Variants in ADAMTS5 observed in about 807,000 individuals in gnomAD.
ADAMTS5 encodes the protein ADAM metallopeptidase with thrombospondin type 1 motif 5.
In ADAMTS5, 54 loss-of-function variants were observed where a neutral mutation model predicts 81.4. That is an observed-to-expected ratio of 0.66 (90% CI 0.53 to 0.83). ADAMTS5 has a LOEUF of 0.83. Among genes scored for constraint, ADAMTS5 ranks in the 40% least tolerant of loss-of-function variants. ADAMTS5 has a pLI of 0.00. For missense variants in ADAMTS5, 1,194 were observed against 1,229.9 expected (o/e 0.97, Z 0.44); for synonymous variants, 532 against 508.8 (o/e 1.05, Z -0.61).
At chr21:26,949,317 G>T (rs1326404663) in intron 2 of ADAMTS5, among the ~76,000 whole-genome samples, 1 of 151,716 alleles carries the variant, frequency 6.6e-6, no homozygotes, top group African/African-American at 2.4e-5. Context: ...CATACCTTCT[G>T]ACTAGCTGGG....
At position 26,952,907 on chromosome 21, in the gene ADAMTS5, AG is replaced by A. The variant is rs1174888265; in HGVS notation, c.1237+1831del. 2.0e-5 allele frequency among the ~76,000 whole-genome samples: 3 copies of A among 152,328 alleles called. No homozygotes were observed. The South Asian group carries it at 6.2e-4, about 32-fold the overall frequency. On this transcript the variant is annotated intron_variant, in intron 2 of 7. Coordinates refer to ENST00000284987, the MANE Select transcript of ADAMTS5 (RefSeq NM_007038.5). ...CTGAGTATTTGGACTAATTCCTCTT[AG>A]TTTCCGGTGCAGATCGGAATGTTGC...
intron 1 of ADAMTS5, among the ~76,000 whole-genome samples, chr21:26,955,216 A>G (rs1987401645): frequency 6.6e-6 from 1 of 152,230 alleles, no homozygotes; most frequent in African/African-American, 2.4e-5. Flanking sequence ...TAAAATTCTG[A>G]TGGAAATTCA....
intron 3 of ADAMTS5, among the ~76,000 whole-genome samples, chr21:26,937,271 G>T (rs1303360218): frequency 6.6e-6 from 1 of 152,148 alleles, no homozygotes; most frequent in Non-Finnish European, 1.5e-5. Context: ...GCTTAACTTA[G>T]AACTGTAAGT....
chr21:26,934,695 G>C lies in ADAMTS5; in HGVS notation c.1460C>G (p.Pro487Arg). Reference protein sequence around the residue: ...RKQILGPEELPGQTYDATQQC... With the variant: ...RKQILGPEELRGQTYDATQQC... Reference sequence around the variant, plus strand: ...CTGGGTGGCATCGTAGGTCTGTCCTGGGAGTTCTTCGGGGCCCAGGATCTG... The same window carrying C: ...CTGGGTGGCATCGTAGGTCTGTCCTCGGAGTTCTTCGGGGCCCAGGATCTG... Residue 487 changes from proline to arginine, a missense_variant, in exon 4 of 8, where the codon CCA (proline) becomes CGA (arginine). Physicochemically the swap from Pro to Arg is moderately radical, Grantham distance 103 (BLOSUM62 -2). This residue lies in a region of ADAMTS5 where 696 missense variants were observed against 817.6 expected (regional missense o/e 0.85). Transcript: ENST00000284987. 6.2e-7 allele frequency: 1 copy of C among 1,614,178 alleles called. No individual in the cohort carries two copies. Among genetic ancestry groups the C allele is most frequent in the Non-Finnish European group, 8.5e-7 (1 of 1,180,040 alleles).
intron 2 of ADAMTS5, among the ~76,000 whole-genome samples, chr21:26,947,391 G>C (rs1404811872): frequency 6.6e-6 from 1 of 151,934 alleles, no homozygotes; most frequent in African/African-American, 2.4e-5. Flanking sequence ...TTTCCAAGCG[G>C]TGCCTACCTC....
At position 26,954,774 on chromosome 21, in the gene ADAMTS5, C is replaced by T; in HGVS notation, c.1202G>A (p.Gly401Asp). The change falls in exon 2 of 8, where the codon GGC becomes GAC. Residue 401 changes from glycine to aspartate, a missense_variant. Transcript: ENST00000284987. ...ERSCAVIEDDGLHAAFTVAHE... is the reference protein window; with the variant it reads ...ERSCAVIEDDDLHAAFTVAHE... ...AGCCACAGTGAAGGCTGCGTGGAGG[C>T]CATCGTCTTCAATCACAGCACAGCT... The T allele has an allele frequency of 1.2e-6, 2 of 1,614,090 alleles. No homozygotes were observed. The highest frequency in any genetic ancestry group is 1.7e-6 in the Non-Finnish European group (2 of 1,179,988).
rs911300996 is a variant in ADAMTS5 at position 26,922,929 on chromosome 21, A to G, written c.*1124T>C. 6.6e-6 allele frequency: 1 copy of G among 152,616 alleles called. No individual in the cohort carries two copies. The highest frequency in any genetic ancestry group is 1.5e-5 in the Non-Finnish European group (1 of 68,006). 9.5% of individuals were successfully genotyped at this position (152,616 alleles called of 1,614,324 possible). ...TCTCAATGTGGCTAACTACCAAGTG[A>G]TCTTTAATGTTTCTAATAAAATAAG... On this transcript the variant is annotated 3_prime_UTR_variant, in exon 8 of 8. Coordinates refer to ENST00000284987, the MANE Select transcript of ADAMTS5 (RefSeq NM_007038.5).
chr21:26,929,802 G>A, intron 7 of ADAMTS5, 84 bp downstream of exon 7: 2 of 1,380,360 alleles, frequency 1.4e-6, no homozygotes, highest in Admixed American at 3.9e-5. Flanking sequence ...AGCTTATGAT[G>A]TAATATGAAT....
rs202057311 is a variant in ADAMTS5 at position 26,966,283 on chromosome 21, C to T, written c.109G>A (p.Ala37Thr). The change falls in exon 1 of 8, where the codon GCT (alanine) becomes ACT (threonine). Residue 37 changes from alanine to threonine, a missense_variant. By Grantham distance (58) the Ala-to-Thr change is moderately conservative (BLOSUM62 0). Coordinates refer to ENST00000284987, the MANE Select transcript of ADAMTS5 (RefSeq NM_007038.5). ...CGGCGGGGCTGGGCGGCTGCTGCAG[C>T]AGTCGGAGGCTGCCCGGCTTTATCC... ...AQDKAGQPPTAAAAAQPRRRQ... is the reference protein window; with the variant it reads ...AQDKAGQPPTTAAAAQPRRRQ... 1 of 1,556,240 alleles carries T rather than the reference C, an allele frequency of 6.4e-7. No individual in the cohort carries two copies. Among genetic ancestry groups the T allele is most frequent in the African/African-American group, 1.4e-5 (1 of 73,590 alleles).
At chr21:26,936,456 A>T (rs1332756213) in intron 3 of ADAMTS5, among the ~76,000 whole-genome samples, 2 of 152,226 alleles carry the variant, frequency 1.3e-5, no homozygotes, top group African/African-American at 4.8e-5. Context: ...ATTCAACAAA[A>T]AAGTCATATT....
At chr21:26,932,741 T>C (rs1601002347) in intron 5 of ADAMTS5, 120 bp downstream of exon 5, 2 of 1,098,670 alleles carry the variant, frequency 1.8e-6, no homozygotes, top group East Asian at 5.6e-5. Context: ...TTGATCTGCA[T>C]ATTGGTGGAA....
chr21:26,946,388 G>A (rs552333527), intron 2 of ADAMTS5, among the ~76,000 whole-genome samples: 4 of 152,242 alleles, frequency 2.6e-5, no homozygotes, highest in African/African-American at 4.8e-5. Flanking sequence ...AAGACGGCAC[G>A]CTATGATACC....
chr21:26,949,736 C>T (rs931623971), intron 2 of ADAMTS5, among the ~76,000 whole-genome samples: 1 of 152,070 alleles, frequency 6.6e-6, no homozygotes, highest in African/African-American at 2.4e-5. Flanking sequence ...AAACTTATTC[C>T]CACATTTTAT....
rs1986738415 is a variant in ADAMTS5, at chr21:26,923,395, T to C, written c.*658A>G. ...GTGACTAGATACACTGAGATCTATTTACTTTTCAAAATTTCTCAGAAGATA... is the reference window on the plus strand; with the variant it reads ...GTGACTAGATACACTGAGATCTATTCACTTTTCAAAATTTCTCAGAAGATA... On this transcript the variant is annotated 3_prime_UTR_variant, in exon 8 of 8. Transcript: ENST00000284987. 1 of 152,238 alleles carries C rather than the reference T, an allele frequency of 6.6e-6. No homozygotes were observed. The highest frequency in any genetic ancestry group is 1.5e-5 in the Non-Finnish European group (1 of 68,042). The allele number at this position is 152,238 out of a possible 1,614,324, so 9.4% of individuals were successfully genotyped here.
At chr21:26,933,462 T>A (rs1986952893) in intron 4 of ADAMTS5, among the ~76,000 whole-genome samples, 2 of 152,178 alleles carry the variant, frequency 1.3e-5, no homozygotes, top group African/African-American at 2.4e-5. Context: ...TGGGCATTAT[T>A]TAATTGTGTT....
In ADAMTS5 at chr21:26,921,206, T is replaced by G. The variant is rs915200785; in HGVS notation, c.*2847A>C. On this transcript the variant is annotated 3_prime_UTR_variant, in exon 8 of 8. Coordinates refer to ENST00000284987, the MANE Select transcript of ADAMTS5 (RefSeq NM_007038.5). ...TTGTGATTTATCCCCTAATTCCTAG[T>G]TTAGTGGGATAAAACTGTTTCCACA... 6.6e-6 allele frequency: 1 copy of G among 152,476 alleles called. No individual in the cohort carries two copies. The allele number at this position is 152,476 out of a possible 1,614,324, so 9.4% of individuals were successfully genotyped here.
At chr21:26,929,168 A>G (rs2123169168) in intron 7 of ADAMTS5, among the ~76,000 whole-genome samples, 1 of 152,344 alleles carries the variant, frequency 6.6e-6, no homozygotes, top group East Asian at 1.9e-4. Context: ...CAGACAACAC[A>G]GCACGTACAT....
chr21:26,960,967 G>C (rs1284949419), intron 1 of ADAMTS5, among the ~76,000 whole-genome samples: 1 of 152,146 alleles, frequency 6.6e-6, no homozygotes, highest in African/African-American at 2.4e-5. Context: ...TACATCTACT[G>C]TAAGAGCCAT....
At chr21:26,941,694 T>C (rs1444512963) in intron 3 of ADAMTS5, among the ~76,000 whole-genome samples, 1 of 152,150 alleles carries the variant, frequency 6.6e-6, no homozygotes. Context: ...TTAGCTCAAC[T>C]TCTTGGAATG....
Sources: allele counts gnomAD v4.1 joint callset (sites outside exome capture counted in the v4.1 genomes callset), GRCh38; gene constraint gnomAD v4.1.1; regional missense constraint gnomAD v4.1.1; transcripts MANE v1.5; gene names NCBI Gene and HGNC (gene_info 2026-07-23, HGNC 2026-07-21).